Variants in C1QTNF5 observed in about 807,000 individuals in gnomAD.
The protein encoded by C1QTNF5 is C1q and TNF related 5.
C1QTNF5 carries 5 observed loss-of-function variants against 10.9 expected under a neutral mutation model. The ratio of observed to expected loss-of-function variants is 0.46; its 90% CI spans 0.24 to 0.97. The LOEUF (loss-of-function observed/expected upper bound fraction) is 0.97. Ranked by LOEUF, C1QTNF5 falls within the 50% of genes least tolerant of loss-of-function variation. The pLI is 0.19. For missense variants in C1QTNF5, 281 were observed against 339.4 expected (o/e 0.83, Z 1.35); for synonymous variants, 161 against 156.5 (o/e 1.03, Z -0.22).
chr11:119,345,340 T>C, upstream of C1QTNF5: 1 of 1,443,204 alleles, frequency 6.9e-7, no homozygotes. Context: ...GGTTAGCCCT[T>C]CTCCCTGCCA....
upstream of C1QTNF5, chr11:119,343,860 C>A: frequency 6.2e-7 from 1 of 1,613,998 alleles, no homozygotes; most frequent in Non-Finnish European, 8.5e-7. Context: ...TCTCATACAC[C>A]TCCACGTAGT....
intron 1 of C1QTNF5, 40 bp from the exon 2 acceptor site, chr11:119,340,480 T>C: frequency 2.1e-6 from 3 of 1,418,790 alleles, no homozygotes; most frequent in Non-Finnish European, 1.9e-6. Flanking sequence ...CCCAGAATCC[T>C]GGGACCTGCC....
Position 119,339,553 on chromosome 11 carries a change from C to A in C1QTNF5, c.510G>T (p.Lys170Asn). The A allele has an allele frequency of 6.2e-7, 1 of 1,613,676 alleles. No individual in the cohort carries two copies. The highest frequency in any genetic ancestry group is 8.5e-7 in the Non-Finnish European group (1 of 1,180,040). The change falls in exon 3 of 3, where the codon AAG becomes AAT. Residue 170 changes from lysine (K) to asparagine (N), a missense_variant. Coordinates refer to ENST00000528368, the MANE Select transcript of C1QTNF5 (RefSeq NM_001278431.2). This position sits in a 1 kb window ranked among gnomAD's most constrained non-coding sequence, Gnocchi z 5.4. Reference sequence around the variant, plus strand: ...AGAAAGAGGCAATGGATTCGCCATTCTTCACCAGATCAAACTGCAGGCTGG... The same window carrying A: ...AGAAAGAGGCAATGGATTCGCCATTATTCACCAGATCAAACTGCAGGCTGG... ...YRASLQFDLV[K>N]NGESIASFFQ...
chr11:119,340,527 C>G (rs1348429139), intron 1 of C1QTNF5, 87 bp from the exon 2 acceptor site: 5 of 993,194 alleles, frequency 5.0e-6, no homozygotes, highest in Non-Finnish European at 6.0e-6. Flanking sequence ...TCGGTCCCCA[C>G]CCCACTGCCG....
upstream of C1QTNF5, chr11:119,341,911 G>C (rs202139926): frequency 6.2e-7 from 1 of 1,614,000 alleles, no homozygotes; most frequent in Non-Finnish European, 8.5e-7. Flanking sequence ...TGCCCACCCA[G>C]ATGTTAGGGA....
the C1QTNF5 span, chr11:119,346,681 C>T: frequency 2.8e-6 from 2 of 702,044 alleles, no homozygotes; most frequent in South Asian, 3.1e-5. Context: ...AGTGGTTTGG[C>T]CTATGGGCTA....
At chr11:119,341,719 C>G, upstream of C1QTNF5, 1 of 1,613,240 alleles carries the variant, frequency 6.2e-7, no homozygotes, top group Non-Finnish European at 8.5e-7. Context: ...GGGGCACAAG[C>G]AGCCCACACA....
At chr11:119,346,002 T>C in the C1QTNF5 span, 1 of 1,611,252 alleles carries the variant, frequency 6.2e-7, no homozygotes, top group Non-Finnish European at 8.5e-7. Context: ...GCTCATGGAG[T>C]TTCATTCCAA....
chr11:119,344,605 G>A (rs1468657921), upstream of C1QTNF5: 6 of 1,613,870 alleles, frequency 3.7e-6, no homozygotes, highest in Admixed American at 1.7e-5. Flanking sequence ...GACGCCTGAA[G>A]AGAGGACCCC....
chr11:119,345,649 T>C (rs1193078840), upstream of C1QTNF5: 2 of 1,613,022 alleles, frequency 1.2e-6, no homozygotes, highest in African/African-American at 1.3e-5. Context: ...GAGATGGAGG[T>C]TAGAGTTCAG....
upstream of C1QTNF5, chr11:119,345,438 G>C (rs768412478): frequency 1.9e-6 from 3 of 1,613,966 alleles, no homozygotes; most frequent in Non-Finnish European, 2.5e-6. Flanking sequence ...GGGGCCTTCA[G>C]GCTCAGGGGA....
chr11:119,344,856 A>G (rs200795678), upstream of C1QTNF5: 208 of 1,613,428 alleles, frequency 1.3e-4, no homozygotes, highest in Non-Finnish European at 1.5e-4. Context: ...CTCAACAGGC[A>G]GGTGGGAACA....
chr11:119,341,162 C>T (rs1447897208), upstream of C1QTNF5: 1 of 259,056 alleles, frequency 3.9e-6, no homozygotes, highest in African/African-American at 2.2e-5. Flanking sequence ...CCAGTTGGAT[C>T]CCTAGGGCCT....
Position 119,339,784 on chromosome 11 carries a change from C to A in C1QTNF5, c.279G>T (p.Gly93=). The change falls in exon 3 of 3, where the codon GGG becomes GGT. Residue 93 remains glycine (G), a synonymous_variant. Coordinates refer to ENST00000528368, the MANE Select transcript of C1QTNF5 (RefSeq NM_001278431.2). This position sits in a 1 kb window ranked among gnomAD's most constrained non-coding sequence, Gnocchi z 5.4. ...RGEAGPAGPT[G]PAGECSVPPR... ...GAGGCACCGAGCACTCCCCGGCAGG[C>A]CCGGTGGGCCCCGCGGGTCCCGCCT... The A allele has an allele frequency of 6.6e-7, 1 of 1,514,356 alleles. No individual in the cohort carries two copies. Among genetic ancestry groups the A allele is most frequent in the Non-Finnish European group, 8.8e-7 (1 of 1,135,486 alleles). 93.8% of individuals were successfully genotyped at this position (1,514,356 alleles called of 1,614,324 possible). A position where few individuals can be genotyped will look rare whatever the true frequency, so the allele number is the denominator to read the frequency against.
upstream of C1QTNF5, among the ~76,000 whole-genome samples, chr11:119,343,510 C>G (rs1565293750): frequency 6.6e-6 from 1 of 152,044 alleles, no homozygotes; most frequent in Non-Finnish European, 1.5e-5. Context: ...AAGTGACACT[C>G]TGCCTCAAAA....
rs1197223354 is a variant in C1QTNF5, at chr11:119,339,707, G to A, written c.356C>T (p.Ser119Phe). ...KRSESRVPPP[S>F]DAPLPFDRVL... Reference sequence around the variant, plus strand: ...GCGGTCGAAGGGCAAGGGTGCGTCAGACGGCGGAGGCACCCGGCTCTCGGA... The same window carrying A: ...GCGGTCGAAGGGCAAGGGTGCGTCAAACGGCGGAGGCACCCGGCTCTCGGA... The change falls in exon 3 of 3, where the codon TCT (serine) becomes TTT (phenylalanine). Residue 119 changes from serine (S) to phenylalanine (F), a missense_variant. Coordinates refer to ENST00000528368, the MANE Select transcript of C1QTNF5 (RefSeq NM_001278431.2). The surrounding 1 kb of genome is among the most constrained non-coding windows in gnomAD (Gnocchi z 5.4). The A allele has an allele frequency of 6.2e-7, 1 of 1,604,718 alleles. No individual in the cohort carries two copies. Among genetic ancestry groups the A allele is most frequent in the African/African-American group, 1.3e-5 (1 of 74,948 alleles).
chr11:119,340,794 G>A lies in C1QTNF5; in HGVS notation c.-143C>T. ...CCCCCGCGCTTCTCCCCGGCCAGGC[G>A]CCCCCTGCCCTGCCGTCACCCCAGT... On this transcript the variant is annotated 5_prime_UTR_variant, in exon 1 of 3. Coordinates refer to ENST00000528368, the MANE Select transcript of C1QTNF5 (RefSeq NM_001278431.2). The A allele has an allele frequency of 3.9e-6, 1 of 257,156 alleles. No homozygotes were observed. The highest frequency in any genetic ancestry group is 4.6e-5 in the South Asian group (1 of 21,822). The allele number at this position is 257,156 out of a possible 1,614,324, so 15.9% of individuals were successfully genotyped here. A position where few individuals can be genotyped will look rare whatever the true frequency, so the allele number is the denominator to read the frequency against.
At chr11:119,341,447 G>A (rs1950501379), upstream of C1QTNF5, 11 of 996,978 alleles carry the variant, frequency 1.1e-5, no homozygotes, top group Non-Finnish European at 1.7e-5. Context: ...AGAGAAGGAT[G>A]GGTAGAGACC....
upstream of C1QTNF5, among the ~76,000 whole-genome samples, chr11:119,345,209 G>A (rs1028546031): frequency 5.9e-5 from 9 of 152,210 alleles, no homozygotes; most frequent in Non-Finnish European, 1.3e-4. Flanking sequence ...GGGGAGATAG[G>A]CAGGAGATCC....
Sources: gnomAD v4.1 joint callset for allele counts (sites outside exome capture counted in the v4.1 genomes callset) on GRCh38, gnomAD v4.1.1 for gene constraint, Gnocchi (gnomAD v3.1) non-coding constraint, MANE v1.5 for transcripts, NCBI Gene and HGNC (gene_info 2026-07-23, HGNC 2026-07-21) for gene names.